The following CACNA1E variants were observed in gnomAD, a reference collection of about 807,000 sequenced individuals.
The protein encoded by CACNA1E is voltage-dependent R-type calcium channel subunit alpha-1E.
CACNA1E carries 40 observed loss-of-function variants against 259.2 expected under a neutral mutation model. That is an observed-to-expected ratio of 0.15 (90% confidence interval 0.12 to 0.20). The LOEUF is 0.20. CACNA1E is among the 10% of genes least tolerant of loss of function. The pLI, the probability that CACNA1E is intolerant of heterozygous loss-of-function variation, is 1.00. For synonymous variants in CACNA1E, 1,104 were observed against 1,138.5 expected, an observed-to-expected ratio of 0.97 and a Z score of 0.61; for missense variants, 1,874 against 3,040.1, an observed-to-expected ratio of 0.62 and a Z score of 9.02.
At chr1:181,486,763 A>G (rs776299645) in intron 1 of CACNA1E, among the ~76,000 whole-genome samples, 1 of 152,228 alleles carries the variant, frequency 6.6e-6, no homozygotes, top group Non-Finnish European at 1.5e-5. Context: ...ACTAGTTGTT[A>G]TTATTAATGG....
At chr1:181,782,211 G>T (rs1374919052) in intron 39 of CACNA1E, among the ~76,000 whole-genome samples, 2 of 152,222 alleles carry the variant, frequency 1.3e-5, no homozygotes, top group East Asian at 1.9e-4. Flanking sequence ...GGCACAAGTT[G>T]TATTCAGCAT....
rs1003857236 is a variant in CACNA1E at position 181,485,527 on chromosome 1, C to T, written c.266+1517C>T. Among the ~76,000 whole-genome samples the T allele has an allele frequency of 1.3e-5, 2 of 152,190 alleles. No homozygotes were observed. Among genetic ancestry groups the T allele is most frequent in the Non-Finnish European group, 2.9e-5 (2 of 68,030 alleles). Reference sequence around the variant, plus strand: ...TTCTCCCTCTCTCCTCTCTGCATCCCGCTCCCCTGCTCCACTCTCACAGAG... The same window carrying T: ...TTCTCCCTCTCTCCTCTCTGCATCCTGCTCCCCTGCTCCACTCTCACAGAG... On this transcript the variant is annotated intron_variant, in intron 1 of 47. Coordinates refer to ENST00000367573, the MANE Select transcript of CACNA1E (RefSeq NM_001205293.3). The surrounding 1 kb of genome is among the most constrained non-coding windows in gnomAD (Gnocchi z 4.2).
chr1:181,641,863 G>A (rs1473264761), intron 6 of CACNA1E, among the ~76,000 whole-genome samples: 3 of 151,598 alleles, frequency 2.0e-5, no homozygotes, highest in African/African-American at 4.9e-5. Flanking sequence ...ACAGGCATGC[G>A]TCACCACACC....
chr1:181,325,400 GA>G (rs1332347901), intron 1 of CACNA1E, among the ~76,000 whole-genome samples: 3 of 152,150 alleles, frequency 2.0e-5, no homozygotes, highest in Non-Finnish European at 4.4e-5. Context: ...ACTCACATGG[GA>G]GGGGTCCTTA....
intron 7 of CACNA1E, among the ~76,000 whole-genome samples, chr1:181,665,673 A>C (rs1373263391): frequency 6.6e-6 from 1 of 152,194 alleles, no homozygotes; most frequent in African/African-American, 2.4e-5. Context: ...ACCCTGATTT[A>C]ATCATTAAAC....
chr1:181,790,526 T>C lies in CACNA1E; in HGVS notation c.5868T>C (p.Asp1956=). ...AGTTGGCTTGTATGGACCCCGCCGA[T>C]GACGGACAGTTCCAAGAACGGCAGT... The part of the protein sequence containing the change: ...IFQLACMDPA[D]DGQFQERQSL... Residue 1956 remains aspartate, a synonymous_variant, in exon 44 of 48, where the codon GAT becomes GAC. Coordinates refer to ENST00000367573, the MANE Select transcript of CACNA1E (RefSeq NM_001205293.3). The C allele has an allele frequency of 6.2e-7, 1 of 1,611,642 alleles. No homozygotes were observed. The highest frequency in any genetic ancestry group is 8.5e-7 in the Non-Finnish European group (1 of 1,177,672).
Position 181,372,809 on chromosome 1 carries a change from A to AATATAT in CACNA1E, c.-14-40309_-14-40304dup, listed in dbSNP as rs147359778. On this transcript the variant is annotated intron_variant, in intron 1 of 11. Transcript: ENST00000524607. ...GCTACTAGCTCATGAAGGGATGTTG[A>AATATAT]ATATATATATATATATATATTTTTT... Among the ~76,000 whole-genome samples, 1,371 of 143,644 alleles carry AATATAT rather than the reference A, an allele frequency of 9.5e-3. 11 individuals are homozygous for AATATAT. The highest frequency in any genetic ancestry group is 0.015 in the Non-Finnish European group (999 of 65,272). The allele number at this position is 143,644 out of a possible 152,430, so 94.2% of individuals were successfully genotyped here. A position where few individuals can be genotyped will look rare whatever the true frequency, so the allele number is the denominator to read the frequency against.
intron 2 of CACNA1E, among the ~76,000 whole-genome samples, chr1:181,437,210 T>C (rs919964980): frequency 5.3e-5 from 8 of 152,214 alleles, no homozygotes; most frequent in Admixed American, 3.3e-4. Flanking sequence ...ATGGCCAATA[T>C]GTGTAGACTA....
chr1:181,573,138 T>C (rs1265331177), intron 3 of CACNA1E, among the ~76,000 whole-genome samples: 1 of 152,186 alleles, frequency 6.6e-6, no homozygotes, highest in Non-Finnish European at 1.5e-5. Flanking sequence ...CTTGCTCTTT[T>C]ATGAGATGGA....
At chr1:181,455,039 G>C in intron 2 of CACNA1E, among the ~76,000 whole-genome samples, 1 of 152,300 alleles carries the variant, frequency 6.6e-6, no homozygotes, top group East Asian at 1.9e-4. Flanking sequence ...AGGGCAAGGT[G>C]TGATTATTTC....
At chr1:181,491,136 G>A (rs186433683) in intron 1 of CACNA1E, among the ~76,000 whole-genome samples, 26 of 152,286 alleles carry the variant, frequency 1.7e-4, no homozygotes, top group Admixed American at 4.6e-4. Context: ...ACTCACTAAC[G>A]TCCTGGCAAT....
rs1025936766 is a variant in CACNA1E at position 181,398,918 on chromosome 1, T to C, written c.-14-14215T>C. ...AGGCAAAAGGCAATGGAGATCCAACTGGAAACAGAGCTCCCTTCCTCCCTT... is the reference window on the plus strand; with the variant it reads ...AGGCAAAAGGCAATGGAGATCCAACCGGAAACAGAGCTCCCTTCCTCCCTT... On this transcript the variant is annotated intron_variant, in intron 1 of 11. Coordinates refer to the CACNA1E transcript ENST00000524607. Among the ~76,000 whole-genome samples, 6 of 152,206 alleles carry C rather than the reference T, an allele frequency of 3.9e-5. No individual in the cohort carries two copies. In the South Asian group the frequency reaches 6.2e-4, roughly 16 times the overall value.
At chr1:181,759,717 G>C (rs1404922611) in intron 32 of CACNA1E, among the ~76,000 whole-genome samples, 1 of 152,132 alleles carries the variant, frequency 6.6e-6, no homozygotes, top group Admixed American at 6.5e-5. Context: ...ACTTACTTAG[G>C]ACGTGAGCTA....
intron 1 of CACNA1E, among the ~76,000 whole-genome samples, chr1:181,356,864 G>A (rs1362636056): frequency 6.6e-6 from 1 of 152,078 alleles, no homozygotes; most frequent in East Asian, 1.9e-4. Context: ...CCTGGTAGGA[G>A]CTTTTAGAGT....
intron 10 of CACNA1E, among the ~76,000 whole-genome samples, chr1:181,716,667 GAA>G (rs1309183007): frequency 3.9e-5 from 6 of 152,220 alleles, no homozygotes; most frequent in African/African-American, 1.4e-4. Context: ...CAGAAAAAGG[GAA>G]AGGTCTTGTT....
chr1:181,322,993 T>C (rs966094996), intron 1 of CACNA1E, among the ~76,000 whole-genome samples: 1 of 152,220 alleles, frequency 6.6e-6, no homozygotes, highest in African/African-American at 2.4e-5. Flanking sequence ...AGTTTTCATA[T>C]AATTTCTAAC....
intron 7 of CACNA1E, among the ~76,000 whole-genome samples, chr1:181,709,282 A>G (rs3891463): frequency 0.13 from 19,573 of 152,050 alleles, 1,339 homozygotes; most frequent in Admixed American, 0.19. Context: ...GGCCCTGGTC[A>G]CTCTTCATTT....
At position 181,631,202 on chromosome 1, in the gene CACNA1E, G is replaced by A. The variant is rs75399087; in HGVS notation, c.952-20136G>A. Among the ~76,000 whole-genome samples the A allele has an allele frequency of 9.0e-3, 1,365 of 152,276 alleles. 26 individuals carry two copies. The highest frequency in any genetic ancestry group is 0.032 in the African/African-American group (1,322 of 41,560). On this transcript the variant is annotated intron_variant, in intron 6 of 47. Coordinates refer to ENST00000367573, the MANE Select transcript of CACNA1E (RefSeq NM_001205293.3). ...TCCTCAGTTAATTAGGTAACTATAG[G>A]TAGTCCTGCAGCCCAGGCTGTGTGC...
intron 3 of CACNA1E, among the ~76,000 whole-genome samples, chr1:181,517,758 G>C (rs1287169865): frequency 6.6e-6 from 1 of 152,106 alleles, no homozygotes; most frequent in East Asian, 1.9e-4. Flanking sequence ...ATGCTATCTA[G>C]AGCTAAATAT....
Sources: gnomAD v4.1 joint callset for allele counts (sites outside exome capture counted in the v4.1 genomes callset) on GRCh38, gnomAD v4.1.1 for gene constraint, Gnocchi (gnomAD v3.1) non-coding constraint, MANE v1.5 for transcripts, NCBI Gene and HGNC (gene_info 2026-07-23, HGNC 2026-07-21) for gene names.